Variants in HPSE2 observed in about 807,000 individuals in gnomAD.
HPSE2 encodes heparanase 2 (inactive).
A neutral mutation model predicts 60.5 loss-of-function variants in HPSE2; 38 were observed. The observed-to-expected ratio is 0.63, with a 90% CI of 0.48 to 0.82. The LOEUF (loss-of-function observed/expected upper bound fraction) is 0.82, where lower values mean the gene tolerates loss of function less well. Among genes scored for constraint, HPSE2 ranks in the 40% least tolerant of loss-of-function variants. The pLI is 0.00. For synonymous variants in HPSE2, 295 were observed against 293.2 expected (o/e 1.01, Z -0.06); for missense variants, 713 against 740.4 (o/e 0.96, Z 0.43).
chr10:98,611,091 T>TG (rs141541978), intron 9 of HPSE2, among the ~76,000 whole-genome samples: 50 of 151,910 alleles, frequency 3.3e-4, no homozygotes, highest in South Asian at 2.3e-3. Flanking sequence ...TTCCCAGTGT[T>TG]GGGGGGGGCC....
Position 98,937,000 on chromosome 10 carries a change from A to C in HPSE2, c.611-192944T>G, listed in dbSNP as rs1292548707. Among the ~76,000 whole-genome samples the C allele has an allele frequency of 5.0e-5, 7 of 141,264 alleles. 3 individuals are homozygous for C. Among genetic ancestry groups the C allele is most frequent in the African/African-American group, 2.1e-4 (7 of 34,052 alleles). 92.7% of individuals were successfully genotyped at this position (141,264 alleles called of 152,430 possible). On this transcript the variant is annotated intron_variant, in intron 3 of 11. Transcript: ENST00000370552. ...TCTCAAAAAAAAAAAAAAAAAAAAA[A>C]AAAAACAAGTTTTCCAACTTTTTGG...
chr10:98,769,479 C>A (rs1950196232), intron 3 of HPSE2, among the ~76,000 whole-genome samples: 3 of 152,196 alleles, frequency 2.0e-5, no homozygotes. Flanking sequence ...AAAGGTTCCA[C>A]TGAGCCTGTG....
intron 3 of HPSE2, among the ~76,000 whole-genome samples, chr10:99,007,496 T>A (rs1377825596): frequency 6.6e-6 from 1 of 152,196 alleles, no homozygotes; most frequent in Non-Finnish European, 1.5e-5. Context: ...ATCTCTCACC[T>A]GGCTTCTGTT....
In HPSE2 at chr10:98,580,824, T is replaced by TTATA. The variant is rs779671429; in HGVS notation, c.1320+34076_1320+34079dup. ...CTGTTTAGTCAAGTTGTGCTTGGTT[T>TTATA]TATATATATATATGTGTGTGTGTGT... On this transcript the variant is annotated intron_variant, in intron 9 of 11. Coordinates refer to ENST00000370552, the MANE Select transcript of HPSE2 (RefSeq NM_021828.5). Among the ~76,000 whole-genome samples, 9 of 128,576 alleles carry TTATA rather than the reference T, an allele frequency of 7.0e-5. No individual in the cohort carries two copies. The East Asian group carries it at 1.2e-3, about 16-fold the overall frequency. The allele number at this position is 128,576 out of a possible 152,430, so 84.4% of individuals were successfully genotyped here. A position where few individuals can be genotyped will look rare whatever the true frequency, so the allele number is the denominator to read the frequency against.
chr10:98,827,814 G>T (rs756308891), intron 3 of HPSE2, among the ~76,000 whole-genome samples: 1 of 152,184 alleles, frequency 6.6e-6, no homozygotes, highest in Non-Finnish European at 1.5e-5. Flanking sequence ...CTAATTTTAT[G>T]TAGATCACAA....
rs527802711 is a variant in HPSE2 at position 99,079,360 on chromosome 10, T to G, written c.610+64878A>C. On this transcript the variant is annotated intron_variant, in intron 3 of 11. Coordinates refer to ENST00000370552, the MANE Select transcript of HPSE2 (RefSeq NM_021828.5). ...GACAACCGCCAAACCTCCACCTCGG[T>G]TCTCACTGGCCCCAAGTGGCTAGAG... Among the ~76,000 whole-genome samples the G allele has an allele frequency of 3.3e-5, 5 of 152,204 alleles. No individual in the cohort carries two copies. The East Asian group carries it at 9.7e-4, about 29-fold the overall frequency.
intron 3 of HPSE2, among the ~76,000 whole-genome samples, chr10:98,893,522 C>A (rs183891288): frequency 6.6e-6 from 1 of 152,108 alleles, no homozygotes; most frequent in Non-Finnish European, 1.5e-5. Flanking sequence ...AAGTCATGGG[C>A]TAGGAGATCA....
intron 9 of HPSE2, among the ~76,000 whole-genome samples, chr10:98,562,210 A>G (rs1438847763): frequency 6.6e-6 from 1 of 152,218 alleles, no homozygotes; most frequent in Non-Finnish European, 1.5e-5. Context: ...GCAATAGGTT[A>G]TATTACATAG....
intron 2 of HPSE2, among the ~76,000 whole-genome samples, chr10:99,201,863 C>G (rs1848585975): frequency 6.6e-6 from 1 of 152,086 alleles, no homozygotes; most frequent in African/African-American, 2.4e-5. Flanking sequence ...AGAGCCCTTC[C>G]AACTCCCAAG....
intron 3 of HPSE2, among the ~76,000 whole-genome samples, chr10:98,874,821 G>T (rs911995254): frequency 6.6e-6 from 1 of 151,980 alleles, no homozygotes; most frequent in African/African-American, 2.4e-5. Context: ...TAACATGAAG[G>T]GATGTTGAAT....
At chr10:99,212,215 C>A in intron 2 of HPSE2, among the ~76,000 whole-genome samples, 1 of 151,744 alleles carries the variant, frequency 6.6e-6, no homozygotes, top group East Asian at 1.9e-4. Context: ...GAAACCCTTG[C>A]ATACTTGGTG....
chr10:99,298,782 C>T, the HPSE2 span, among the ~76,000 whole-genome samples: 6 of 151,504 alleles, frequency 4.0e-5, no homozygotes, highest in African/African-American at 1.5e-4. Flanking sequence ...TCGAGAGATT[C>T]TCCTGCCTTA....
intron 6 of HPSE2, among the ~76,000 whole-genome samples, chr10:98,680,847 C>T (rs1281585099): frequency 1.3e-5 from 2 of 152,126 alleles, no homozygotes; most frequent in Non-Finnish European, 2.9e-5. Flanking sequence ...CCTCCGCCTC[C>T]TGGGCTCAAG....
intron 9 of HPSE2, among the ~76,000 whole-genome samples, chr10:98,575,921 C>G (rs1944628172): frequency 6.6e-6 from 1 of 151,970 alleles, no homozygotes; most frequent in Non-Finnish European, 1.5e-5. Context: ...AAATAATTAC[C>G]TTGTAGAATT....
At chr10:98,511,226 C>T (rs1942382771) in intron 9 of HPSE2, among the ~76,000 whole-genome samples, 1 of 151,708 alleles carries the variant, frequency 6.6e-6, no homozygotes, top group Admixed American at 6.6e-5. Context: ...TCTTGGCTCA[C>T]TGCAACCTCT....
intron 11 of HPSE2, among the ~76,000 whole-genome samples, chr10:98,460,189 G>C (rs1698065932): frequency 6.6e-6 from 1 of 152,134 alleles, no homozygotes; most frequent in African/African-American, 2.4e-5. Flanking sequence ...ATGATACATG[G>C]GCTTAAGATG....
rs752808022 is a variant in HPSE2 at position 98,932,420 on chromosome 10, C to T, written c.611-188364G>A. Reference sequence around the variant, plus strand: ...ACAGATGTTCATCAAGGATATTGGCCTAAAGTTTTCTTTTTTTGTTATATC... The same window carrying T: ...ACAGATGTTCATCAAGGATATTGGCTTAAAGTTTTCTTTTTTTGTTATATC... On this transcript the variant is annotated intron_variant, in intron 3 of 11. Coordinates refer to ENST00000370552, the MANE Select transcript of HPSE2 (RefSeq NM_021828.5). Among the ~76,000 whole-genome samples the T allele has an allele frequency of 6.9e-5, 10 of 143,916 alleles. 2 individuals are homozygous for T. Among genetic ancestry groups the T allele is most frequent in the African/African-American group, 1.1e-4 (4 of 35,522 alleles). The allele number at this position is 143,916 out of a possible 152,430, so 94.4% of individuals were successfully genotyped here.
intron 3 of HPSE2, among the ~76,000 whole-genome samples, chr10:99,037,131 G>A (rs752370394): frequency 6.6e-6 from 1 of 152,064 alleles, no homozygotes; most frequent in South Asian, 2.1e-4. Flanking sequence ...CAAATTGAGG[G>A]ACGTTCCTTG....
In HPSE2 at chr10:98,459,346, T is replaced by G. The variant is rs746018896; in HGVS notation, c.*228A>C. The G allele has an allele frequency of 6.7e-6, 4 of 600,676 alleles. No individual in the cohort carries two copies. The highest frequency in any genetic ancestry group is 1.8e-5 in the African/African-American group (1 of 54,200). The allele number at this position is 600,676 out of a possible 1,614,324, so 37.2% of individuals were successfully genotyped here. The stretch of plus-strand genomic sequence containing the variant: ...CTCTATACACATGCCTTTATCCTTA[T>G]ATAGGTACAGGTGATGTCTACATTT... On this transcript the variant is annotated 3_prime_UTR_variant, in exon 12 of 12. Coordinates refer to ENST00000370552, the MANE Select transcript of HPSE2 (RefSeq NM_021828.5).
Sources: gnomAD v4.1 joint callset for allele counts (sites outside exome capture counted in the v4.1 genomes callset) on GRCh38, gnomAD v4.1.1 for gene constraint, MANE v1.5 for transcripts, NCBI Gene and HGNC (gene_info 2026-07-23, HGNC 2026-07-21) for gene names.